Variants in ERICH3 observed in about 807,000 individuals in gnomAD.
ERICH3 encodes the protein glutamate rich 3.
ERICH3 carries 126 observed loss-of-function variants against 131.1 expected under a neutral mutation model. The observed-to-expected ratio is 0.96, with a 90% CI of 0.83 to 1.11. ERICH3 has a LOEUF of 1.11. Ranked by LOEUF, ERICH3 falls within the 50% of genes most tolerant of loss-of-function variation. The pLI is 0.00. For missense variants in ERICH3, 2,050 were observed against 1,810.7 expected (o/e 1.13, Z -2.40); for synonymous variants, 695 against 644.6 (o/e 1.08, Z -1.18).
intron 2 of ERICH3, among the ~76,000 whole-genome samples, chr1:74,647,986 A>G (rs116079353): frequency 0.017 from 2,660 of 152,234 alleles, 43 homozygotes; most frequent in Non-Finnish European, 0.024. Flanking sequence ...AAACTTGACC[A>G]TGCATCAGAA....
intron 12 of ERICH3, chr1:74,578,276 C>T (rs1033599406): frequency 1.1e-5 from 2 of 177,540 alleles, no homozygotes; most frequent in African/African-American, 2.4e-5. Flanking sequence ...TTAATAATAA[C>T]AGCAATGATG....
In ERICH3 at chr1:74,571,096, C is replaced by G. The variant is rs767738618; in HGVS notation, c.*18+3G>C. 3.1e-6 allele frequency: 5 copies of G among 1,602,326 alleles called. No individual in the cohort carries two copies. Among genetic ancestry groups the G allele is most frequent in the Non-Finnish European group, 4.3e-6 (5 of 1,174,464 alleles). Reference sequence around the variant, plus strand: ...CCTACAAAGACATTACGCTTAAACTCACTGTCTGCCAGCAAGTCTCCTAGA... The same window carrying G: ...CCTACAAAGACATTACGCTTAAACTGACTGTCTGCCAGCAAGTCTCCTAGA... On this transcript the variant is annotated splice_donor_region_variant and intron_variant, in intron 14 of 14. Coordinates refer to ENST00000326665, the MANE Select transcript of ERICH3 (RefSeq NM_001002912.5).
intron 1 of ERICH3, among the ~76,000 whole-genome samples, chr1:74,663,567 A>T (rs1646661776): frequency 6.6e-6 from 1 of 151,872 alleles, no homozygotes. Flanking sequence ...TCCATGAGAA[A>T]TAAAGGAAAG....
intron 4 of ERICH3, among the ~76,000 whole-genome samples, chr1:74,642,537 G>A (rs1646445847): frequency 6.6e-6 from 1 of 150,636 alleles, no homozygotes; most frequent in South Asian, 2.1e-4. Context: ...AACAAACAAA[G>A]AATTTTAAAA....
At chr1:74,577,050 C>A (rs552423403) in intron 12 of ERICH3, 114 bp from the exon 13 acceptor site, 1 of 815,340 alleles carries the variant, frequency 1.2e-6, no homozygotes, top group Non-Finnish European at 1.9e-6. Context: ...AGCTGTTCAA[C>A]TATCTGGGAG....
At chr1:74,668,688 C>T (rs958643384) in intron 1 of ERICH3, among the ~76,000 whole-genome samples, 6 of 152,160 alleles carry the variant, frequency 3.9e-5, no homozygotes, top group East Asian at 1.9e-4. Flanking sequence ...AAGACATATA[C>T]ATATATATAT....
chr1:74,570,187 G>A lies in ERICH3; in HGVS notation c.*271C>T, dbSNP rs1261569147. ...TTTTTGTTTGAAAATAATGTTAGGTGTGTAGAATGTGTAACAGCCTCACAA... is the reference window on the plus strand; with the variant it reads ...TTTTTGTTTGAAAATAATGTTAGGTATGTAGAATGTGTAACAGCCTCACAA... On this transcript the variant is annotated 3_prime_UTR_variant, in exon 15 of 15. Transcript: ENST00000326665. The A allele has an allele frequency of 3.9e-5, 6 of 152,222 alleles. No individual in the cohort carries two copies. Among genetic ancestry groups the A allele is most frequent in the Non-Finnish European group, 7.3e-5 (5 of 68,032 alleles). The allele number at this position is 152,222 out of a possible 1,614,324, so 9.4% of individuals were successfully genotyped here. A position where few individuals can be genotyped will look rare whatever the true frequency, so the allele number is the denominator to read the frequency against.
chr1:74,589,972 T>C lies in ERICH3; in HGVS notation c.1835A>G (p.Asp612Gly). ...AGAAGATGACCTTCTGGCACTTTCATCTGTGCTGCTGTCAGTGTGGGCTTC... is the reference window on the plus strand; with the variant it reads ...AGAAGATGACCTTCTGGCACTTTCACCTGTGCTGCTGTCAGTGTGGGCTTC... ...DREAHTDSST[D>G]ESARRSSSQE... is the part of the protein sequence containing the mutation. Residue 612 changes from aspartate (D) to glycine (G), a missense_variant, in exon 12 of 15, where the codon GAT becomes GGT. Physicochemically the swap from Asp to Gly is moderately conservative, Grantham distance 94 (BLOSUM62 -1). Transcript: ENST00000326665. 3.1e-6 allele frequency: 5 copies of C among 1,614,014 alleles called. No individual in the cohort carries two copies. The highest frequency in any genetic ancestry group is 4.2e-6 in the Non-Finnish European group (5 of 1,179,934).
intron 6 of ERICH3, among the ~76,000 whole-genome samples, chr1:74,632,292 C>T (rs1432315730): frequency 6.6e-6 from 1 of 151,866 alleles, no homozygotes; most frequent in Non-Finnish European, 1.5e-5. Flanking sequence ...GAAATTAGGA[C>T]TTTTTTCATA....
At chr1:74,660,601 A>G (rs900803783) in intron 1 of ERICH3, among the ~76,000 whole-genome samples, 21 of 148,498 alleles carry the variant, frequency 1.4e-4, no homozygotes, top group African/African-American at 4.9e-4. Context: ...AAGTGTATAT[A>G]TATATATATA....
In ERICH3 at chr1:74,636,277, T is replaced by C; in HGVS notation, c.603+3A>G. On this transcript the variant is annotated splice_donor_region_variant and intron_variant, in intron 6 of 14. Coordinates refer to ENST00000326665, the MANE Select transcript of ERICH3 (RefSeq NM_001002912.5). The stretch of plus-strand genomic sequence containing the variant: ...TATATTTATTGATAAAAATAACATT[T>C]ACCCCAATGGGAAACAGAGCTTCAT... The C allele has an allele frequency of 6.3e-7, 1 of 1,592,250 alleles. No individual in the cohort carries two copies. Among genetic ancestry groups the C allele is most frequent in the South Asian group, 1.2e-5 (1 of 85,876 alleles).
intron 1 of ERICH3, among the ~76,000 whole-genome samples, chr1:74,649,912 C>A (rs1646518118): frequency 6.6e-6 from 1 of 152,058 alleles, no homozygotes; most frequent in African/African-American, 2.4e-5. Context: ...TCCCGCTCCC[C>A]ACCTCCTACC....
At chr1:74,574,440 C>A (rs1322680171) in intron 13 of ERICH3, among the ~76,000 whole-genome samples, 1 of 152,162 alleles carries the variant, frequency 6.6e-6, no homozygotes, top group African/African-American at 2.4e-5. Flanking sequence ...TTAGTCATCA[C>A]AAATTGAGTC....
chr1:74,638,039 G>A (rs1557695000), intron 5 of ERICH3, among the ~76,000 whole-genome samples: 1 of 152,080 alleles, frequency 6.6e-6, no homozygotes, highest in Non-Finnish European at 1.5e-5. Context: ...GAAGGAGGAT[G>A]AGAAGGATGG....
At chr1:74,599,289 CCT>C (rs995749627) in intron 11 of ERICH3, among the ~76,000 whole-genome samples, 11 of 151,744 alleles carry the variant, frequency 7.2e-5, no homozygotes, top group Non-Finnish European at 1.5e-4. Context: ...GTTTTATGTT[CCT>C]CTTTCATTAG....
rs116330168 is a variant in ERICH3 at position 74,582,345 on chromosome 1, A to T, written c.2177-5409T>A. Among the ~76,000 whole-genome samples, 1,093 of 152,236 alleles carry T rather than the reference A, an allele frequency of 7.2e-3. 11 individuals carry two copies. The highest frequency in any genetic ancestry group is 0.025 in the African/African-American group (1,018 of 41,534). On this transcript the variant is annotated intron_variant, in intron 12 of 14. Coordinates refer to ENST00000326665, the MANE Select transcript of ERICH3 (RefSeq NM_001002912.5). ...TTCTCTAATTTGCCCTCATGTAGCA[A>T]ATTCCTTGGATTTTGTGACATCTGG...
chr1:74,628,437 T>C (rs148252153), intron 7 of ERICH3, among the ~76,000 whole-genome samples: 1 of 152,292 alleles, frequency 6.6e-6, no homozygotes, highest in East Asian at 1.9e-4. Flanking sequence ...GTAGTATAAA[T>C]GTATTTTCTC....
intron 6 of ERICH3, among the ~76,000 whole-genome samples, chr1:74,632,608 G>A: frequency 6.6e-6 from 1 of 151,760 alleles, no homozygotes; most frequent in Non-Finnish European, 1.5e-5. Context: ...TGCACAAAAT[G>A]TAACATCATA....
intron 12 of ERICH3, among the ~76,000 whole-genome samples, chr1:74,582,784 T>C (rs1647201549): frequency 6.6e-6 from 1 of 152,216 alleles, no homozygotes; most frequent in Non-Finnish European, 1.5e-5. Flanking sequence ...GCATTATTTA[T>C]GTGGTTTAAA....
Sources: allele counts gnomAD v4.1 joint callset (sites outside exome capture counted in the v4.1 genomes callset), GRCh38; gene constraint gnomAD v4.1.1; transcripts MANE v1.5; gene names NCBI Gene and HGNC (gene_info 2026-07-23, HGNC 2026-07-21).